The following ITGA9 variants were observed in gnomAD, a reference collection of about 807,000 sequenced individuals.
ITGA9 encodes integrin alpha-9.
In ITGA9, 56 loss-of-function variants were observed where a neutral mutation model predicts 127.8. That is an observed-to-expected ratio of 0.44 (90% confidence interval 0.35 to 0.55). The LOEUF (loss-of-function observed/expected upper bound fraction) is 0.55, where lower values mean the gene tolerates loss of function less well. ITGA9 is among the 20% of genes least tolerant of loss of function. The pLI is 0.00. For missense variants in ITGA9, 1,196 were observed against 1,347.1 expected, an observed-to-expected ratio of 0.89 and a Z score of 1.76; for synonymous variants, 508 against 514.5, an observed-to-expected ratio of 0.99 and a Z score of 0.17.
At chr3:37,698,660 G>C (rs1256568305) in intron 18 of ITGA9, among the ~76,000 whole-genome samples, 1 of 152,026 alleles carries the variant, frequency 6.6e-6, no homozygotes, top group Non-Finnish European at 1.5e-5. Flanking sequence ...ACCAGTTTTC[G>C]TGTGCATGTT....
intron 22 of ITGA9, among the ~76,000 whole-genome samples, chr3:37,746,833 C>A (rs145232152): frequency 6.6e-6 from 1 of 152,270 alleles, no homozygotes; most frequent in East Asian, 1.9e-4. Context: ...TGAAGTGGAA[C>A]CAACTATTGC....
Position 37,629,121 on chromosome 3 carries a change from T to C in ITGA9, c.1690-66T>C. On this transcript the variant is annotated intron_variant, in intron 15 of 27. Coordinates refer to ENST00000264741, the MANE Select transcript of ITGA9 (RefSeq NM_002207.3). This position sits in a 1 kb window ranked among gnomAD's most constrained non-coding sequence, Gnocchi z 4.5. Reference sequence around the variant, plus strand: ...ATTCATGTAGAAGGTCTTTGTAAACTGTGAAATGCTCTACGACTGTCAGCC... The same window carrying C: ...ATTCATGTAGAAGGTCTTTGTAAACCGTGAAATGCTCTACGACTGTCAGCC... 1 of 1,579,936 alleles carries C rather than the reference T, an allele frequency of 6.3e-7. No homozygotes were observed. Among genetic ancestry groups the C allele is most frequent in the Non-Finnish European group, 8.7e-7 (1 of 1,150,782 alleles).
chr3:37,560,936 T>C (rs992938426), intron 15 of ITGA9, among the ~76,000 whole-genome samples: 1 of 152,210 alleles, frequency 6.6e-6, no homozygotes, highest in Non-Finnish European at 1.5e-5. Flanking sequence ...GATGACTGCC[T>C]TTTCCCTGTG....
At chr3:37,498,139 T>C (rs1186856418) in intron 5 of ITGA9, among the ~76,000 whole-genome samples, 1 of 152,146 alleles carries the variant, frequency 6.6e-6, no homozygotes, top group Non-Finnish European at 1.5e-5. Context: ...AAAGAACCCA[T>C]TGGGAGATAT....
chr3:37,511,832 A>G (rs886990485), intron 8 of ITGA9, among the ~76,000 whole-genome samples: 1 of 151,874 alleles, frequency 6.6e-6, no homozygotes, highest in Non-Finnish European at 1.5e-5. Context: ...AGTGTCCTCT[A>G]CCTCTCTCCC....
At chr3:37,501,046 G>A (rs1454248452) in intron 5 of ITGA9, among the ~76,000 whole-genome samples, 1 of 152,044 alleles carries the variant, frequency 6.6e-6, no homozygotes, top group African/African-American at 2.4e-5. Flanking sequence ...AATGATCTAC[G>A]AAGGGACTTT....
intron 23 of ITGA9, among the ~76,000 whole-genome samples, chr3:37,752,844 T>C (rs1486290623): frequency 6.6e-6 from 1 of 152,036 alleles, no homozygotes; most frequent in Non-Finnish European, 1.5e-5. Context: ...GTGTCTGGCT[T>C]ATATATGGGA....
chr3:37,504,013 A>G (rs1262796041), intron 6 of ITGA9, among the ~76,000 whole-genome samples: 2 of 152,228 alleles, frequency 1.3e-5, no homozygotes, highest in Non-Finnish European at 2.9e-5. Flanking sequence ...ATGACACACA[A>G]TGCTCTTTCG....
chr3:37,567,558 C>G (rs896321583), intron 15 of ITGA9, among the ~76,000 whole-genome samples: 1 of 152,154 alleles, frequency 6.6e-6, no homozygotes, highest in East Asian at 1.9e-4. Flanking sequence ...TGAGACAAGG[C>G]AAGTCCCTTC....
At chr3:37,512,522 A>AT (rs1042725856) in intron 8 of ITGA9, among the ~76,000 whole-genome samples, 15 of 150,730 alleles carry the variant, frequency 1.0e-4, no homozygotes, top group African/African-American at 1.2e-4. Flanking sequence ...TTCTTCTTTT[A>AT]TTTTTTTTTA....
At chr3:37,619,963 A>C (rs1422692407) in intron 15 of ITGA9, among the ~76,000 whole-genome samples, 2 of 152,214 alleles carry the variant, frequency 1.3e-5, no homozygotes, top group East Asian at 1.9e-4. Flanking sequence ...ACTCTGGGTC[A>C]GAAGCTATTC....
At chr3:37,531,987 G>A (rs1559529790) in intron 13 of ITGA9, among the ~76,000 whole-genome samples, 1 of 152,162 alleles carries the variant, frequency 6.6e-6, no homozygotes, top group Admixed American at 6.5e-5. Flanking sequence ...TTGAAAGGTC[G>A]ACGGGGTTTT....
chr3:37,777,880 C>T (rs1156490501), intron 24 of ITGA9, among the ~76,000 whole-genome samples: 2 of 152,246 alleles, frequency 1.3e-5, no homozygotes, highest in Admixed American at 1.3e-4. Context: ...AGCCATTCTA[C>T]TCTTGAGTAT....
intron 19 of ITGA9, among the ~76,000 whole-genome samples, chr3:37,734,316 A>G (rs1321855630): frequency 6.6e-6 from 1 of 152,240 alleles, no homozygotes; most frequent in African/African-American, 2.4e-5. Context: ...ACTATTGCCT[A>G]TAGTAATGTA....
At position 37,818,974 on chromosome 3, in the gene ITGA9, C is replaced by A. The variant is rs1426961107; in HGVS notation, c.3093C>A (p.Val1031=). ...RKENEDSWDW[V]QKNQ ...AGAATGAAGACAGTTGGGACTGGGTCCAGAAAAACCAGTGAGCTGCCACAC... is the reference window on the plus strand; with the variant it reads ...AGAATGAAGACAGTTGGGACTGGGTACAGAAAAACCAGTGAGCTGCCACAC... Residue 1031 remains valine, a synonymous_variant, in exon 28 of 28, where the codon GTC becomes GTA. Coordinates refer to ENST00000264741, the MANE Select transcript of ITGA9 (RefSeq NM_002207.3). 6.2e-7 allele frequency: 1 copy of A among 1,611,994 alleles called. No individual in the cohort carries two copies. The highest frequency in any genetic ancestry group is 8.5e-7 in the Non-Finnish European group (1 of 1,178,068).
At chr3:37,800,037 A>T (rs1411839710) in intron 26 of ITGA9, among the ~76,000 whole-genome samples, 1 of 152,200 alleles carries the variant, frequency 6.6e-6, no homozygotes, top group Non-Finnish European at 1.5e-5. Context: ...CAAAGCATGG[A>T]GCACGCATCC....
At chr3:37,564,237 C>T (rs1049312068) in intron 15 of ITGA9, among the ~76,000 whole-genome samples, 1 of 152,144 alleles carries the variant, frequency 6.6e-6, no homozygotes, top group Non-Finnish European at 1.5e-5. Context: ...CCTTCATATA[C>T]CTTTTCTCTC....
intron 4 of ITGA9, among the ~76,000 whole-genome samples, chr3:37,484,040 A>G (rs757853237): frequency 7.9e-5 from 12 of 152,332 alleles, no homozygotes; most frequent in Non-Finnish European, 1.6e-4. Flanking sequence ...TGACTGAACT[A>G]TCCCAAAAAT....
chr3:37,793,000 A>C (rs1316335417), intron 26 of ITGA9, among the ~76,000 whole-genome samples: 2 of 152,160 alleles, frequency 1.3e-5, no homozygotes, highest in Non-Finnish European at 2.9e-5. Context: ...CATTGCATAA[A>C]GAGATGGCCA....
Sources: allele counts gnomAD v4.1 joint callset (sites outside exome capture counted in the v4.1 genomes callset), GRCh38; gene constraint gnomAD v4.1.1; non-coding constraint Gnocchi (gnomAD v3.1); transcripts MANE v1.5; gene names NCBI Gene and HGNC (gene_info 2026-07-23, HGNC 2026-07-21).